The following PTPRK variants were observed in gnomAD, a reference collection of about 807,000 sequenced individuals.
The protein encoded by PTPRK is receptor-type tyrosine-protein phosphatase kappa.
Under a neutral mutation model 178.0 loss-of-function variants are expected in PTPRK, and 75 were observed. That is an observed-to-expected ratio of 0.42 (90% CI 0.35 to 0.51). The LOEUF (loss-of-function observed/expected upper bound fraction) is 0.51. Ranked by LOEUF, PTPRK falls within the 20% of genes least tolerant of loss-of-function variation. The probability of loss-of-function intolerance (pLI) is 0.02; values close to 1 mark genes in which losing one functional copy is unlikely to be tolerated. For missense variants in PTPRK, 1,441 were observed against 1,797.8 expected, an observed-to-expected ratio of 0.80 and a Z score of 3.59; for synonymous variants, 637 against 620.6, an observed-to-expected ratio of 1.03 and a Z score of -0.39.
chr6:128,109,484 A>G (rs1432806029), intron 7 of PTPRK, among the ~76,000 whole-genome samples: 1 of 152,172 alleles, frequency 6.6e-6, no homozygotes, highest in African/African-American at 2.4e-5. Context: ...GTTCATCAAG[A>G]CTAAAAATGG....
intron 6 of PTPRK, among the ~76,000 whole-genome samples, chr6:128,218,241 G>T (rs561924589): frequency 2.0e-5 from 3 of 152,056 alleles, no homozygotes; most frequent in Non-Finnish European, 2.9e-5. Context: ...ATTTACAATC[G>T]TATCTCCAAT....
intron 1 of PTPRK, among the ~76,000 whole-genome samples, chr6:128,420,157 C>T (rs1562484868): frequency 6.6e-6 from 1 of 152,040 alleles, no homozygotes; most frequent in Non-Finnish European, 1.5e-5. Context: ...CTGTTCTTCC[C>T]CAAAAAGGAA....
intron 6 of PTPRK, among the ~76,000 whole-genome samples, chr6:128,190,767 G>T (rs1008093434): frequency 6.6e-6 from 1 of 152,086 alleles, no homozygotes; most frequent in Non-Finnish European, 1.5e-5. Context: ...CCAAAGTGCT[G>T]GGATTACAGT....
At chr6:128,443,346 T>C (rs143425258) in intron 1 of PTPRK, among the ~76,000 whole-genome samples, 279 of 149,858 alleles carry the variant, frequency 1.9e-3, no homozygotes, top group Non-Finnish European at 2.4e-3. Flanking sequence ...AGGAAGTGAA[T>C]TGAGAAGAAG....
Position 127,982,988 on chromosome 6 carries a change from A to G in PTPRK, c.3388-8T>C, listed in dbSNP as rs149789955. On this transcript the variant is annotated splice_region_variant and splice_polypyrimidine_tract_variant and intron_variant, in intron 23 of 29. Coordinates refer to ENST00000368226, the MANE Select transcript of PTPRK (RefSeq NM_002844.4). ...AATAAAAATGTACTGTTCCTACCAA[A>G]AGAATGAAAAAGAAAATTTTGTACT... 12 of 1,595,312 alleles carry G rather than the reference A, an allele frequency of 7.5e-6. No homozygotes were observed. Among genetic ancestry groups the G allele is most frequent in the Non-Finnish European group, 1.0e-5 (12 of 1,172,632 alleles).
At position 128,067,661 on chromosome 6, in the gene PTPRK, G is replaced by A. The variant is rs2114942372; in HGVS notation, c.2015C>T (p.Ala672Val). The A allele has an allele frequency of 6.2e-7, 1 of 1,613,778 alleles. No homozygotes were observed. The highest frequency in any genetic ancestry group is 8.5e-7 in the Non-Finnish European group (1 of 1,179,784). The change falls in exon 12 of 30, where the codon GCA (alanine) becomes GTA (valine). Residue 672 changes from alanine to valine, a missense_variant. Around this residue, in one of 4 missense-constraint regions of PTPRK, gnomAD observed 945 missense variants for 1,080.6 expected, o/e 0.87. Coordinates refer to ENST00000368226, the MANE Select transcript of PTPRK (RefSeq NM_002844.4). Reference sequence around the variant, plus strand: ...AGGTAGGTTTCCCGGGGGGAGTTCTGCAGCAAAGTAATACGGTGCACCCCC... The same window carrying A: ...AGGTAGGTTTCCCGGGGGGAGTTCTACAGCAAAGTAATACGGTGCACCCCC... The part of the protein sequence containing the change: ...MSGGAPYYFA[A>V]ELPPGNLPEP...
chr6:128,416,109 T>A (rs1324367179), intron 1 of PTPRK, among the ~76,000 whole-genome samples: 1 of 152,036 alleles, frequency 6.6e-6, no homozygotes, highest in African/African-American at 2.4e-5. Context: ...AATTACAGTA[T>A]GAGAAATATA....
rs1773866446 is a variant in PTPRK at position 127,971,251 on chromosome 6, T to C, written c.4270-971A>G. 6.6e-5 allele frequency among the ~76,000 whole-genome samples: 10 copies of C among 152,336 alleles called. No individual in the cohort carries two copies. In the South Asian group the frequency reaches 2.1e-3, roughly 32 times the overall value. On this transcript the variant is annotated intron_variant, in intron 29 of 29. Coordinates refer to ENST00000368226, the MANE Select transcript of PTPRK (RefSeq NM_002844.4). ...AATTCAGAGACCATATCATAAACTA[T>C]TACTTATAATATGCAATTCATTTAA...
At chr6:128,022,697 T>A (rs10456973) in intron 13 of PTPRK, among the ~76,000 whole-genome samples, 3 of 151,950 alleles carry the variant, frequency 2.0e-5, no homozygotes, top group Non-Finnish European at 4.4e-5. Context: ...CAGTATTTCC[T>A]GGAACACCTA....
intron 11 of PTPRK, among the ~76,000 whole-genome samples, chr6:128,071,509 C>T (rs1470173202): frequency 6.6e-6 from 1 of 151,992 alleles, no homozygotes; most frequent in Non-Finnish European, 1.5e-5. Context: ...TGTTCTGGAC[C>T]TCTGCAGCAT....
chr6:128,514,478 A>C (rs1316298626), intron 1 of PTPRK, among the ~76,000 whole-genome samples: 2 of 152,038 alleles, frequency 1.3e-5, no homozygotes, highest in Non-Finnish European at 2.9e-5. Flanking sequence ...TCCACTACGC[A>C]CTATTTTATT....
chr6:128,210,413 A>G (rs766172664), intron 6 of PTPRK, among the ~76,000 whole-genome samples: 1 of 142,352 alleles, frequency 7.0e-6, no homozygotes, highest in Non-Finnish European at 1.5e-5. Context: ...TCTCTTCTGT[A>G]CTAGAAAATA....
chr6:128,267,867 T>A (rs2128296086), intron 3 of PTPRK, among the ~76,000 whole-genome samples: 1 of 152,194 alleles, frequency 6.6e-6, no homozygotes, highest in South Asian at 2.1e-4. Flanking sequence ...CTGATAAGTT[T>A]TATTGGGAAA....
At chr6:128,193,517 C>G (rs538851550) in intron 6 of PTPRK, among the ~76,000 whole-genome samples, 1 of 151,790 alleles carries the variant, frequency 6.6e-6, no homozygotes, top group Non-Finnish European at 1.5e-5. Flanking sequence ...AAATTTAATT[C>G]AGGGTAGGAG....
At chr6:128,220,819 A>C (rs555113973) in intron 5 of PTPRK, among the ~76,000 whole-genome samples, 28 of 152,350 alleles carry the variant, frequency 1.8e-4, no homozygotes, top group African/African-American at 6.7e-4. Context: ...CAGTTAAACT[A>C]GGCAAGGAAA....
intron 18 of PTPRK, among the ~76,000 whole-genome samples, chr6:127,994,310 T>A (rs1776910635): frequency 6.6e-6 from 1 of 151,776 alleles, no homozygotes; most frequent in South Asian, 2.1e-4. Context: ...CTACCATTCT[T>A]AATACCTCCA....
intron 21 of PTPRK, among the ~76,000 whole-genome samples, chr6:127,988,342 C>T (rs1357846509): frequency 7.2e-6 from 1 of 138,214 alleles, no homozygotes; most frequent in Admixed American, 7.8e-5. Flanking sequence ...CTCCCTCTGT[C>T]GCCCAGGCTG....
At chr6:128,109,022 G>A (rs1790189627) in intron 7 of PTPRK, among the ~76,000 whole-genome samples, 1 of 151,870 alleles carries the variant, frequency 6.6e-6, no homozygotes, top group Non-Finnish European at 1.5e-5. Context: ...ATGGATTTTG[G>A]GGGAACACAA....
At chr6:128,403,852 C>G (rs1337870081) in intron 1 of PTPRK, among the ~76,000 whole-genome samples, 1 of 152,162 alleles carries the variant, frequency 6.6e-6, no homozygotes, top group African/African-American at 2.4e-5. Context: ...CAGCAAACTT[C>G]ATGTACAAAA....
Sources: gnomAD v4.1 joint callset for allele counts (sites outside exome capture counted in the v4.1 genomes callset) on GRCh38, gnomAD v4.1.1 for gene constraint, gnomAD v4.1.1 regional missense constraint, MANE v1.5 for transcripts, NCBI Gene and HGNC (gene_info 2026-07-23, HGNC 2026-07-21) for gene names.